CNGB3: variants seen among roughly 807,000 people sequenced by gnomAD.
CNGB3 encodes cyclic nucleotide-gated channel beta-3.
Under a neutral mutation model 92.8 loss-of-function variants are expected in CNGB3, and 86 were observed. The observed-to-expected ratio is 0.93, with a 90% CI of 0.78 to 1.11. CNGB3 has a LOEUF of 1.11. Ranked by LOEUF, CNGB3 falls within the 50% of genes least tolerant of loss-of-function variation. The probability of loss-of-function intolerance (pLI) is 0.00; values close to 1 mark genes in which losing one functional copy is unlikely to be tolerated. For missense variants in CNGB3, 1,026 were observed against 956.8 expected, an observed-to-expected ratio of 1.07 and a Z score of -0.95; for synonymous variants, 333 against 332.7, an observed-to-expected ratio of 1.00 and a Z score of -0.01.
At chr8:86,635,388 T>C (rs1379389340) in intron 10 of CNGB3, among the ~76,000 whole-genome samples, 1 of 152,140 alleles carries the variant, frequency 6.6e-6, no homozygotes, top group Non-Finnish European at 1.5e-5. Flanking sequence ...AAGTTTGTCC[T>C]ACTTTAACAG....
intron 15 of CNGB3, among the ~76,000 whole-genome samples, chr8:86,588,467 C>T (rs1404442390): frequency 7.0e-6 from 1 of 142,712 alleles, no homozygotes; most frequent in Non-Finnish European, 1.5e-5. Flanking sequence ...ATGATATTGG[C>T]TGTGGGTTTG....
At chr8:86,729,490 C>G (rs118147523) in intron 2 of CNGB3, among the ~76,000 whole-genome samples, 3 of 152,150 alleles carry the variant, frequency 2.0e-5, no homozygotes, top group African/African-American at 7.2e-5. Flanking sequence ...TTTTGACAAG[C>G]CTGGGATATT....
intron 2 of CNGB3, among the ~76,000 whole-genome samples, chr8:86,730,118 C>A (rs1300391156): frequency 6.6e-6 from 1 of 152,178 alleles, no homozygotes; most frequent in East Asian, 1.9e-4. Flanking sequence ...CTGAGCCTGG[C>A]AGCGTCTCAC....
chr8:86,694,254 G>T (rs1398253485), intron 3 of CNGB3, among the ~76,000 whole-genome samples: 11 of 149,936 alleles, frequency 7.3e-5, no homozygotes, highest in African/African-American at 2.2e-4. Context: ...CCTGGATGGG[G>T]CGGCTGGCCG....
chr8:86,599,001 G>A (rs1822233603), intron 15 of CNGB3, among the ~76,000 whole-genome samples: 1 of 152,090 alleles, frequency 6.6e-6, no homozygotes, highest in African/African-American at 2.4e-5. Flanking sequence ...CCCTCAGTAG[G>A]GGTTTATAGG....
chr8:86,663,625 C>T (rs1823686706), intron 6 of CNGB3, among the ~76,000 whole-genome samples: 2 of 152,238 alleles, frequency 1.3e-5, no homozygotes, highest in South Asian at 4.2e-4. Flanking sequence ...TAATAAATGT[C>T]TCTTGAATGA....
chr8:86,609,824 A>G (rs1822483857), intron 14 of CNGB3, among the ~76,000 whole-genome samples: 1 of 151,634 alleles, frequency 6.6e-6, no homozygotes. Flanking sequence ...CTTCATAAAA[A>G]ATGCCATCCT....
chr8:86,715,983 A>T (rs13269550), intron 3 of CNGB3, among the ~76,000 whole-genome samples: 28,787 of 151,812 alleles, frequency 0.19, 3,348 homozygotes, highest in South Asian at 0.3. Flanking sequence ...AATAATAATA[A>T]AAAAAATTAA....
intron 15 of CNGB3, among the ~76,000 whole-genome samples, chr8:86,602,510 C>T (rs1373148476): frequency 6.6e-6 from 1 of 152,118 alleles, no homozygotes; most frequent in African/African-American, 2.4e-5. Flanking sequence ...GATCACTGGA[C>T]CCCGATCCGT....
At chr8:86,587,822 C>A (rs1821930863) in intron 15 of CNGB3, among the ~76,000 whole-genome samples, 1 of 151,722 alleles carries the variant, frequency 6.6e-6, no homozygotes, top group African/African-American at 2.4e-5. Flanking sequence ...GCGATGCGGG[C>A]TCTTTTTTGG....
Position 86,575,913 on chromosome 8 carries a change from A to G in CNGB3, c.2321T>C (p.Val774Ala). 1 of 1,613,820 alleles carries G rather than the reference A, an allele frequency of 6.2e-7. No individual in the cohort carries two copies. Among genetic ancestry groups the G allele is most frequent in the East Asian group, 2.2e-5 (1 of 44,866 alleles). The part of the protein sequence containing the change: ...EEEPHSVRRT[V>A]LPRGTSRQSL... Reference sequence around the variant, plus strand: ...TTGACGAGAAGTCCCTCTGGGTAAAACTGTCCTTCTAACTGAGTGGGGTTC... The same window carrying G: ...TTGACGAGAAGTCCCTCTGGGTAAAGCTGTCCTTCTAACTGAGTGGGGTTC... Residue 774 changes from valine to alanine, a missense_variant, in exon 18 of 18, where the codon GTT (valine) becomes GCT (alanine). Physicochemically the swap from Val to Ala is moderately conservative, Grantham distance 64. Coordinates refer to ENST00000320005, the MANE Select transcript of CNGB3 (RefSeq NM_019098.5).
At chr8:86,689,404 G>A (rs965332991) in intron 3 of CNGB3, among the ~76,000 whole-genome samples, 2 of 151,318 alleles carry the variant, frequency 1.3e-5, no homozygotes, top group African/African-American at 4.9e-5. Flanking sequence ...TACTGTATTG[G>A]GGCCTATCTT....
At chr8:86,608,192 T>C (rs2131562657) in intron 14 of CNGB3, among the ~76,000 whole-genome samples, 1 of 152,350 alleles carries the variant, frequency 6.6e-6, no homozygotes, top group East Asian at 1.9e-4. Flanking sequence ...TACTCTTTAT[T>C]CCAATATTAT....
At chr8:86,633,038 T>C (rs1822992812) in intron 10 of CNGB3, 145 bp from the exon 11 acceptor site, 1 of 717,766 alleles carries the variant, frequency 1.4e-6, no homozygotes, top group South Asian at 1.8e-5. Context: ...GCAAACAGCA[T>C]GTGTGCTAAT....
rs1822845147 is a variant in CNGB3 at position 86,626,221 on chromosome 8, T to C, written c.1481-141A>G. The C allele has an allele frequency of 1.3e-5, 9 of 687,104 alleles. 1 individual carries two copies. In the East Asian group the frequency reaches 2.4e-4, roughly 19 times the overall value. 42.6% of individuals were successfully genotyped at this position (687,104 alleles called of 1,614,324 possible). A position where few individuals can be genotyped will look rare whatever the true frequency, so the allele number is the denominator to read the frequency against. ...ACATAATTAGATGCATCAGATTCTA[T>C]ATTTTCATTACTTCTATTGGACCTC... On this transcript the variant is annotated intron_variant, in intron 12 of 17. Coordinates refer to ENST00000320005, the MANE Select transcript of CNGB3 (RefSeq NM_019098.5).
At chr8:86,614,262 A>G (rs1351516689) in intron 13 of CNGB3, among the ~76,000 whole-genome samples, 1 of 152,044 alleles carries the variant, frequency 6.6e-6, no homozygotes, top group Non-Finnish European at 1.5e-5. Context: ...GATGCAATTG[A>G]CTAGAATTGC....
chr8:86,712,883 G>A (rs931922334), intron 3 of CNGB3, among the ~76,000 whole-genome samples: 8 of 150,848 alleles, frequency 5.3e-5, no homozygotes, highest in East Asian at 2.0e-4. Flanking sequence ...GTGATACTGC[G>A]CCTGGCTTTC....
intron 3 of CNGB3, among the ~76,000 whole-genome samples, chr8:86,697,233 C>T (rs892246710): frequency 6.6e-6 from 1 of 152,172 alleles, no homozygotes; most frequent in African/African-American, 2.4e-5. Flanking sequence ...AATCTGCTTG[C>T]ATTTGTTTTA....
intron 15 of CNGB3, among the ~76,000 whole-genome samples, chr8:86,589,226 T>C (rs1301933936): frequency 2.0e-5 from 3 of 150,940 alleles, no homozygotes; most frequent in East Asian, 3.9e-4. Context: ...GATTCTTCTC[T>C]CTTTTTTTCT....
Sources: allele counts gnomAD v4.1 joint callset (sites outside exome capture counted in the v4.1 genomes callset), GRCh38; gene constraint gnomAD v4.1.1; transcripts MANE v1.5; gene names NCBI Gene and HGNC (gene_info 2026-07-23, HGNC 2026-07-21).